Variants in SND1 observed in about 807,000 individuals in gnomAD.
The protein encoded by SND1 is staphylococcal nuclease and tudor domain containing 1, also known as staphylococcal nuclease domain-containing protein 1.
A neutral mutation model predicts 121.7 loss-of-function variants in SND1; 38 were observed. That is an observed-to-expected ratio of 0.31 (90% CI 0.24 to 0.41). The LOEUF is 0.41. Among genes scored for constraint, SND1 ranks in the 10% least tolerant of loss-of-function variants. SND1 has a pLI of 1.00. For synonymous variants in SND1, 401 were observed against 447.4 expected (o/e 0.90, Z 1.31); for missense variants, 868 against 1,184.6 (o/e 0.73, Z 3.92).
At chr7:127,881,326 A>C (rs1177321315) in intron 12 of SND1, among the ~76,000 whole-genome samples, 2 of 152,136 alleles carry the variant, frequency 1.3e-5, no homozygotes, top group African/African-American at 4.8e-5. Context: ...GCACATTAAA[A>C]TTAAATTTTT....
chr7:127,969,961 G>A (rs1187908030), intron 15 of SND1, among the ~76,000 whole-genome samples: 2 of 152,158 alleles, frequency 1.3e-5, no homozygotes, highest in African/African-American at 2.4e-5. Flanking sequence ...TACCTAGCAT[G>A]ATGCCTTTAT....
At chr7:127,673,133 T>C (rs564172977) in intron 1 of SND1, among the ~76,000 whole-genome samples, 15 of 148,318 alleles carry the variant, frequency 1.0e-4, no homozygotes, top group Non-Finnish European at 1.9e-4. Flanking sequence ...CTATATATTC[T>C]ATTATATATG....
At chr7:127,913,501 G>C (rs1205504818) in intron 14 of SND1, among the ~76,000 whole-genome samples, 1 of 152,142 alleles carries the variant, frequency 6.6e-6, no homozygotes, top group African/African-American at 2.4e-5. Flanking sequence ...AGTTCCTCTG[G>C]CCATAGATTT....
intron 10 of SND1, among the ~76,000 whole-genome samples, chr7:127,772,461 T>C (rs1205085897): frequency 1.3e-5 from 2 of 152,210 alleles, no homozygotes; most frequent in Non-Finnish European, 2.9e-5. Context: ...GTAATGTCTG[T>C]GATTTGTTCC....
intron 2 of SND1, 142 bp downstream of exon 2, chr7:127,686,904 C>T (rs1795823304): frequency 6.6e-6 from 6 of 907,310 alleles, no homozygotes; most frequent in Non-Finnish European, 9.8e-6. Flanking sequence ...TGGATGTGCC[C>T]ACAAGCAGCT....
chr7:127,950,172 G>T (rs548719674), intron 15 of SND1, among the ~76,000 whole-genome samples: 30 of 152,256 alleles, frequency 2.0e-4, no homozygotes, highest in African/African-American at 7.0e-4. Context: ...CCAGTGATTT[G>T]CAGACCCCTC....
chr7:128,021,534 C>T (rs981044511), intron 16 of SND1, among the ~76,000 whole-genome samples: 6 of 152,116 alleles, frequency 3.9e-5, no homozygotes, highest in Non-Finnish European at 7.3e-5. Flanking sequence ...AGAAGTAGCC[C>T]GAGGCAAGGA....
At chr7:128,078,948 C>T (rs1442435354) in intron 17 of SND1, among the ~76,000 whole-genome samples, 3 of 152,200 alleles carry the variant, frequency 2.0e-5, no homozygotes, top group Non-Finnish European at 2.9e-5. Flanking sequence ...GAGCAGAGGA[C>T]GTGCTGAGGG....
intron 12 of SND1, among the ~76,000 whole-genome samples, chr7:127,887,349 A>T (rs899922714): frequency 4.6e-5 from 7 of 151,936 alleles, no homozygotes; most frequent in African/African-American, 1.7e-4. Context: ...CTCTTCATTC[A>T]TAGTCTTATC....
intron 11 of SND1, among the ~76,000 whole-genome samples, chr7:127,837,717 A>G (rs1798892317): frequency 6.6e-6 from 1 of 152,228 alleles, no homozygotes; most frequent in Admixed American, 6.5e-5. Context: ...GTTTAAAAAT[A>G]TGTATCACTT....
intron 10 of SND1, among the ~76,000 whole-genome samples, chr7:127,734,359 G>C (rs951755307): frequency 6.6e-6 from 1 of 152,102 alleles, no homozygotes; most frequent in Non-Finnish European, 1.5e-5. Context: ...TATTTGAGCT[G>C]ATGTTTAGGT....
intron 14 of SND1, among the ~76,000 whole-genome samples, chr7:127,921,327 C>CTAA (rs1466823157): frequency 6.6e-6 from 1 of 152,076 alleles, no homozygotes; most frequent in Non-Finnish European, 1.5e-5. Context: ...CTGTGCTTTT[C>CTAA]TAACCCCTTG....
intron 12 of SND1, among the ~76,000 whole-genome samples, chr7:127,857,699 A>G (rs895491604): frequency 2.0e-5 from 3 of 152,042 alleles, no homozygotes; most frequent in Non-Finnish European, 2.9e-5. Flanking sequence ...GGCCATCAGC[A>G]CAGCCAAGGC....
chr7:127,820,136 G>T (rs1437901519), intron 11 of SND1, among the ~76,000 whole-genome samples: 2 of 152,198 alleles, frequency 1.3e-5, no homozygotes, highest in South Asian at 2.1e-4. Flanking sequence ...AAGTGGTTAG[G>T]CTGGGGTTAC....
Position 128,089,702 on chromosome 7 carries a change from G to A in SND1, c.2622+10G>A, listed in dbSNP as rs1301583835. On this transcript the variant is annotated intron_variant, in intron 22 of 23. Transcript: ENST00000354725. ...ACAGTTCCAGAAAGTGGTATGTGAT[G>A]TGGAGAGGCGGCCCCAGCATTGCGC... 1.2e-6 allele frequency: 2 copies of A among 1,613,182 alleles called. No homozygotes were observed. Among genetic ancestry groups the A allele is most frequent in the Non-Finnish European group, 1.7e-6 (2 of 1,179,338 alleles).
In SND1 at chr7:127,694,814, G is replaced by A. The variant is rs1316533423; in HGVS notation, c.229-14G>A. On this transcript the variant is annotated splice_polypyrimidine_tract_variant and intron_variant, in intron 2 of 23. Transcript: ENST00000354725. ...TAGGCAGTTCTCATGTGACATATTT[G>A]TTTTGTCTTTCAGCCCTGGGCATTT... is the stretch of plus-strand genomic sequence containing the variant. 4 of 1,613,138 alleles carry A rather than the reference G, an allele frequency of 2.5e-6. No individual in the cohort carries two copies. The highest frequency in any genetic ancestry group is 1.7e-6 in the Non-Finnish European group (2 of 1,179,456).
Position 127,770,723 on chromosome 7 carries a change from TA to T in SND1, c.1153-36751del, listed in dbSNP as rs998413745. 2.8e-4 allele frequency among the ~76,000 whole-genome samples: 41 copies of T among 148,516 alleles called. 1 individual carries two copies. The highest frequency in any genetic ancestry group is 5.4e-4 in the Admixed American group (8 of 14,910). ...TATCTAGGTCACCAGTTCTTTCAAT[TA>T]AAAAAAAAAGTGGTGGAATGAATGT... On this transcript the variant is annotated intron_variant, in intron 10 of 23. Transcript: ENST00000354725.
chr7:127,925,902 T>G (rs1422621823), intron 14 of SND1, among the ~76,000 whole-genome samples: 1 of 151,846 alleles, frequency 6.6e-6, no homozygotes, highest in Admixed American at 6.6e-5. Flanking sequence ...GCCAGGTCTT[T>G]TTTTCTTTTT....
chr7:128,088,446 CTTTTT>C (rs1047161140), intron 21 of SND1, among the ~76,000 whole-genome samples: 10 of 80,112 alleles, frequency 1.2e-4, no homozygotes, highest in South Asian at 4.8e-4. Context: ...CCCTATCTCT[CTTTTT>C]TTTTTTTTTT....
Sources: gnomAD v4.1 joint callset for allele counts (sites outside exome capture counted in the v4.1 genomes callset) on GRCh38, gnomAD v4.1.1 for gene constraint, MANE v1.5 for transcripts, NCBI Gene and HGNC (gene_info 2026-07-23, HGNC 2026-07-21) for gene names.